PLXNA1: variants seen among roughly 807,000 people sequenced by gnomAD.
PLXNA1 encodes the protein plexin A1.
In PLXNA1, 77 loss-of-function variants were observed where a neutral mutation model predicts 191.7. That is an observed-to-expected ratio of 0.40 (90% CI 0.33 to 0.49). The LOEUF (loss-of-function observed/expected upper bound fraction) is 0.49, where lower values mean the gene tolerates loss of function less well. Among genes scored for constraint, PLXNA1 ranks in the 20% least tolerant of loss-of-function variants. The pLI, the probability that PLXNA1 is intolerant of heterozygous loss-of-function variation, is 0.63. For missense variants in PLXNA1, 2,110 were observed against 2,660.2 expected (o/e 0.79, Z 4.55); for synonymous variants, 1,137 against 1,156.4 (o/e 0.98, Z 0.34).
At chr3:127,020,704 C>T (rs1026779377) in intron 21 of PLXNA1, among the ~76,000 whole-genome samples, 5 of 152,242 alleles carry the variant, frequency 3.3e-5, no homozygotes, top group Non-Finnish European at 7.3e-5. Flanking sequence ...GGCACCTCCC[C>T]GGTGGCTGCC....
chr3:127,005,989 C>A, intron 7 of PLXNA1, 90 bp from the exon 8 acceptor site: 1 of 946,322 alleles, frequency 1.1e-6, no homozygotes, highest in Non-Finnish European at 1.7e-6. Flanking sequence ...CTAGGAGGGT[C>A]TCCGGGCAAG....
At chr3:127,003,138 ACTGGGGCTGGGGCTGGGG>A (rs201384868) in intron 3 of PLXNA1, among the ~76,000 whole-genome samples, 174 bp from the exon 4 acceptor site, 1 of 149,034 alleles carries the variant, frequency 6.7e-6, no homozygotes, top group African/African-American at 2.5e-5. Context: ...TTTGCCCTGC[ACTGGGGCTGGGGCTGGGG>A]CTGGGGCTGG....
Position 127,034,398 on chromosome 3 carries a change from CCCCTTGAGACCAGGACA to C in PLXNA1, c.*382_*398del, listed in dbSNP as rs1315545874. 5.6e-6 allele frequency: 1 copy of C among 178,552 alleles called. No individual in the cohort carries two copies. Among genetic ancestry groups the C allele is most frequent in the African/African-American group, 2.3e-5 (1 of 42,602 alleles). The allele number at this position is 178,552 out of a possible 1,614,324, so 11.1% of individuals were successfully genotyped here. ...GGGAGGGGTAGCCAGCTTGGGCTGT[CCCCTTGAGACCAGGACA>C]AGAGGCTGGGGGTGTCAGCATTCCC... On this transcript the variant is annotated 3_prime_UTR_variant, in exon 32 of 32. Coordinates refer to ENST00000393409, the MANE Select transcript of PLXNA1 (RefSeq NM_032242.4).
intron 3 of PLXNA1, among the ~76,000 whole-genome samples, chr3:126,994,258 C>T (rs1470258152): frequency 6.6e-6 from 1 of 152,188 alleles, no homozygotes; most frequent in African/African-American, 2.4e-5. Flanking sequence ...CAGTGACCCC[C>T]TCTCTGAGGA....
At chr3:127,006,819 G>C (rs2079070837) in intron 8 of PLXNA1, among the ~76,000 whole-genome samples, 1 of 152,162 alleles carries the variant, frequency 6.6e-6, no homozygotes, top group Admixed American at 6.5e-5. Context: ...CCCAGCCTCA[G>C]AGGAAGGATG....
At chr3:127,002,383 G>A (rs1298631105) in intron 3 of PLXNA1, among the ~76,000 whole-genome samples, 1 of 152,238 alleles carries the variant, frequency 6.6e-6, no homozygotes, top group Non-Finnish European at 1.5e-5. Flanking sequence ...GCCCCACCCT[G>A]GCTGGCCGCC....
chr3:127,018,609 G>T, intron 20 of PLXNA1, 81 bp downstream of exon 20: 2 of 1,058,180 alleles, frequency 1.9e-6, no homozygotes, highest in Admixed American at 2.1e-5. Flanking sequence ...ACTTCCCACC[G>T]CCGCCCCCAC....
chr3:126,984,165 C>T (rs944099118), intron 1 of PLXNA1, among the ~76,000 whole-genome samples: 2 of 152,182 alleles, frequency 1.3e-5, no homozygotes, highest in African/African-American at 2.4e-5. Flanking sequence ...AGGGAGGCCC[C>T]TCGGTCGGCG....
rs988315729 is a variant in PLXNA1, at chr3:127,028,446, C to G, written c.4669+106C>G. 1.3e-5 allele frequency: 17 copies of G among 1,301,748 alleles called. No homozygotes were observed. In the Admixed American group the frequency reaches 1.3e-4, roughly 10 times the overall value. The allele number at this position is 1,301,748 out of a possible 1,614,324, so 80.6% of individuals were successfully genotyped here. On this transcript the variant is annotated intron_variant, in intron 25 of 31. Transcript: ENST00000393409. ...GGGAAGGCCAGGCCAGTCCTCCACA[C>G]CAGGCTGGTCTGGAGGGCAGTGGAA...
At chr3:127,019,178 TC>T (rs2079140654) in intron 20 of PLXNA1, among the ~76,000 whole-genome samples, 1 of 149,720 alleles carries the variant, frequency 6.7e-6, no homozygotes, top group African/African-American at 2.4e-5. Context: ...CTAGGAGTGT[TC>T]CTGCTGCAGT....
chr3:127,028,370 G>T (rs1306017707), intron 25 of PLXNA1, 30 bp downstream of exon 25: 8 of 1,596,370 alleles, frequency 5.0e-6, no homozygotes, highest in South Asian at 1.1e-5. Flanking sequence ...GCTGCCCGGG[G>T]TGTGTGCTGG....
intron 3 of PLXNA1, among the ~76,000 whole-genome samples, chr3:126,997,511 G>C (rs1454114887): frequency 6.6e-6 from 1 of 152,212 alleles, no homozygotes; most frequent in African/African-American, 2.4e-5. Flanking sequence ...GCTGCTCTCT[G>C]TGGGGCCTGA....
At chr3:127,030,543 C>T in intron 29 of PLXNA1, 131 bp downstream of exon 29, 2 of 1,105,662 alleles carry the variant, frequency 1.8e-6, no homozygotes, top group Non-Finnish European at 2.6e-6. Context: ...CCAGCAGGGG[C>T]ATGGCGGGCC....
chr3:127,027,555 G>A (rs1444372153), intron 23 of PLXNA1: 2 of 411,680 alleles, frequency 4.9e-6, no homozygotes, highest in Non-Finnish European at 9.6e-6. Flanking sequence ...TCCAGCTGGG[G>A]AGCAGGCCCC....
At position 127,007,836 on chromosome 3, in the gene PLXNA1, T is replaced by C. The variant is rs1282104514; in HGVS notation, c.2035T>C (p.Trp679Arg). The change falls in exon 9 of 32, where the codon TGG becomes CGG. Residue 679 changes from tryptophan to arginine, a missense_variant. This residue lies in a region of PLXNA1 where 903 missense variants were observed against 1,015.7 expected (regional missense o/e 0.89). Transcript: ENST00000393409. ...SCVNGSFPCH[W>R]CKYRHVCTHN... ...TGTCAACGGCTCCTTTCCCTGCCAC[T>C]GGTGCAAATACCGCCACGTGTGCAC... 1 of 1,612,864 alleles carries C rather than the reference T, an allele frequency of 6.2e-7. No individual in the cohort carries two copies. Among genetic ancestry groups the C allele is most frequent in the Non-Finnish European group, 8.5e-7 (1 of 1,179,524 alleles).
At chr3:127,010,177 T>C (rs1483063435) in intron 9 of PLXNA1, among the ~76,000 whole-genome samples, 1 of 152,166 alleles carries the variant, frequency 6.6e-6, no homozygotes, top group Non-Finnish European at 1.5e-5. Context: ...GAGAAGGTTG[T>C]AATCGGAGCC....
Position 126,989,635 on chromosome 3 carries a change from C to T in PLXNA1, c.1042C>T (p.Arg348Cys). 6 of 1,613,070 alleles carry T rather than the reference C, an allele frequency of 3.7e-6. No homozygotes were observed. Among genetic ancestry groups the T allele is most frequent in the Non-Finnish European group, 5.1e-6 (6 of 1,179,952 alleles). Reference protein sequence around the residue: ...FTVFAQGQKNRVKPPKESALC... With the variant: ...FTVFAQGQKNCVKPPKESALC... ...TGTGTTCGCCCAGGGCCAGAAGAAC[C>T]GCGTGAAGCCACCAAAGGAGTCAGC... The change falls in exon 2 of 32, where the codon CGC (arginine) becomes TGC (cysteine). Residue 348 changes from arginine to cysteine, a missense_variant. By Grantham distance (180) the Arg-to-Cys change is radical (BLOSUM62 -3). Around this residue, in one of 4 missense-constraint regions of PLXNA1, gnomAD observed 903 missense variants for 1,015.7 expected, o/e 0.89. Transcript: ENST00000393409.
chr3:127,006,247 C>T (rs2079068638), intron 8 of PLXNA1, 69 bp downstream of exon 8: 2 of 1,218,926 alleles, frequency 1.6e-6, no homozygotes, highest in East Asian at 2.3e-5. Context: ...CCCTGTGGTC[C>T]CACTGTGCTT....
At chr3:127,016,467 G>C (rs780778445) in intron 15 of PLXNA1, 50 bp from the exon 16 acceptor site, 1 of 1,577,738 alleles carries the variant, frequency 6.3e-7, no homozygotes, top group African/African-American at 1.3e-5. Flanking sequence ...CATTCCACCT[G>C]CCTGGGTTCC....
Sources: gnomAD v4.1 joint callset for allele counts (sites outside exome capture counted in the v4.1 genomes callset) on GRCh38, gnomAD v4.1.1 for gene constraint, gnomAD v4.1.1 regional missense constraint, MANE v1.5 for transcripts, NCBI Gene and HGNC (gene_info 2026-07-23, HGNC 2026-07-21) for gene names.